Variants in RIN2 observed in about 807,000 individuals in gnomAD.
RIN2 encodes the protein RAB5 interacting protein 2.
In RIN2, 36 loss-of-function variants were observed where a neutral mutation model predicts 78.0. The observed-to-expected ratio is 0.46, with a 90% CI of 0.35 to 0.61. The LOEUF is 0.61. Ranked by LOEUF, RIN2 falls within the 20% of genes least tolerant of loss-of-function variation. RIN2 has a pLI of 0.00. For missense variants in RIN2, 1,087 were observed against 1,159.7 expected (o/e 0.94, Z 0.91); for synonymous variants, 466 against 466.8 (o/e 1.00, Z 0.02).
chr20:19,971,093 G>A (rs186491745), intron 8 of RIN2, among the ~76,000 whole-genome samples, 164 bp downstream of exon 8: 11 of 152,254 alleles, frequency 7.2e-5, no homozygotes, highest in South Asian at 2.1e-4. Flanking sequence ...CATCTGTAAC[G>A]TGTTGATGTC....
intron 2 of RIN2, among the ~76,000 whole-genome samples, chr20:19,850,015 C>G (rs1012840403): frequency 3.3e-5 from 5 of 152,130 alleles, no homozygotes; most frequent in Non-Finnish European, 2.9e-5. Context: ...AGTGACTGTT[C>G]TCATTAAAGT....
intron 2 of RIN2, among the ~76,000 whole-genome samples, chr20:19,831,729 G>GT (rs2036257564): frequency 6.6e-6 from 1 of 152,194 alleles, no homozygotes; most frequent in South Asian, 2.1e-4. Context: ...TGGATATACA[G>GT]TAAGTGTTCC....
chr20:19,780,326 T>C (rs1290476754), intron 1 of RIN2, among the ~76,000 whole-genome samples: 1 of 152,250 alleles, frequency 6.6e-6, no homozygotes, highest in African/African-American at 2.4e-5. Flanking sequence ...CCCGAATTGA[T>C]ATGTTTTGAA....
intron 2 of RIN2, among the ~76,000 whole-genome samples, chr20:19,833,030 A>T (rs1166126557): frequency 1.3e-5 from 2 of 152,096 alleles, no homozygotes; most frequent in Non-Finnish European, 2.9e-5. Flanking sequence ...CCTAAGCCGG[A>T]TTACCCTGCC....
rs572893815 is a variant in RIN2, at chr20:19,887,881, C to A, written c.-36-1685C>A. Among the ~76,000 whole-genome samples, 4 of 152,242 alleles carry A rather than the reference C, an allele frequency of 2.6e-5. No homozygotes were observed. The East Asian group carries it at 7.7e-4, about 29-fold the overall frequency. On this transcript the variant is annotated intron_variant, in intron 2 of 12. Coordinates refer to ENST00000255006, the MANE Select transcript of RIN2 (RefSeq NM_018993.4). ...TAGGCCTGGTTTAAAACAGGGTATG[C>A]TTTTTTATTTGTGTGCTTCTGGGTC...
intron 2 of RIN2, among the ~76,000 whole-genome samples, chr20:19,824,710 T>A (rs1171254684): frequency 6.6e-6 from 1 of 152,186 alleles, no homozygotes; most frequent in Non-Finnish European, 1.5e-5. Flanking sequence ...GAGTTCTGGC[T>A]GGCAGGGACA....
chr20:19,788,319 G>A (rs1464696589), intron 1 of RIN2, among the ~76,000 whole-genome samples: 1 of 151,766 alleles, frequency 6.6e-6, no homozygotes, highest in African/African-American at 2.4e-5. Context: ...AATTGGCCAG[G>A]TGCATTGCCT....
intron 3 of RIN2, among the ~76,000 whole-genome samples, chr20:19,894,932 G>A (rs2038651139): frequency 6.6e-6 from 1 of 152,068 alleles, no homozygotes; most frequent in African/African-American, 2.4e-5. Flanking sequence ...AAGATTTTCA[G>A]GCTGTGCTTC....
chr20:19,984,330 A>G (rs1396126392), intron 9 of RIN2, among the ~76,000 whole-genome samples: 1 of 152,210 alleles, frequency 6.6e-6, no homozygotes, highest in Non-Finnish European at 1.5e-5. Context: ...CCTAGGCTAT[A>G]TGGTATATCC....
chr20:19,926,767 C>T (rs910862001), intron 3 of RIN2, among the ~76,000 whole-genome samples: 6 of 152,202 alleles, frequency 3.9e-5, no homozygotes, highest in Admixed American at 1.3e-4. Context: ...AAGTCTTCAA[C>T]ATATCAGCAA....
chr20:19,889,110 G>A, intron 2 of RIN2: 1 of 985,324 alleles, frequency 1.0e-6, no homozygotes, highest in Non-Finnish European at 1.2e-6. Flanking sequence ...CTTGCCTGGG[G>A]GAGAGGCCAG....
chr20:19,993,495 T>G (rs976883450), intron 11 of RIN2, among the ~76,000 whole-genome samples: 2 of 152,076 alleles, frequency 1.3e-5, no homozygotes, highest in African/African-American at 2.4e-5. Flanking sequence ...TGGAGCCCGA[T>G]TATGCCCTTC....
intron 3 of RIN2, among the ~76,000 whole-genome samples, chr20:19,918,766 TAAA>T (rs201557004): frequency 1.5e-5 from 2 of 137,346 alleles, no homozygotes; most frequent in East Asian, 2.1e-4. Flanking sequence ...GGGCCTTAAT[TAAA>T]AAAAAAAAAA....
In RIN2 at chr20:19,963,003, G is replaced by A. The variant is rs185613583; in HGVS notation, c.464-1949G>A. Among the ~76,000 whole-genome samples, 724 of 152,226 alleles carry A rather than the reference G, an allele frequency of 4.8e-3. 3 individuals are homozygous for A. Among genetic ancestry groups the A allele is most frequent in the African/African-American group, 0.017 (692 of 41,532 alleles). ...TATTTTGTCATAACTTACAGACAGT[G>A]CAGCTTAATAATAAACAACACCTCA... On this transcript the variant is annotated intron_variant, in intron 6 of 12. Transcript: ENST00000255006.
At chr20:19,826,016 T>C (rs1471695385) in intron 2 of RIN2, among the ~76,000 whole-genome samples, 2 of 152,262 alleles carry the variant, frequency 1.3e-5, no homozygotes, top group Non-Finnish European at 2.9e-5. Flanking sequence ...TTTTCAATTC[T>C]TATGAATTCA....
intron 12 of RIN2, among the ~76,000 whole-genome samples, chr20:19,997,600 A>C (rs774402702): frequency 3.3e-5 from 5 of 152,118 alleles, no homozygotes; most frequent in Non-Finnish European, 7.4e-5. Context: ...CTCTACTAAA[A>C]ATACAAAAAT....
intron 11 of RIN2, among the ~76,000 whole-genome samples, chr20:19,995,943 C>A (rs1295139526): frequency 6.6e-6 from 1 of 152,204 alleles, no homozygotes; most frequent in Non-Finnish European, 1.5e-5. Flanking sequence ...GATCACCTCA[C>A]ACGCCTGACT....
intron 1 of RIN2, among the ~76,000 whole-genome samples, chr20:19,779,011 G>A (rs1176048971): frequency 1.3e-5 from 2 of 152,158 alleles, no homozygotes; most frequent in Non-Finnish European, 2.9e-5. Flanking sequence ...ATGTCCACAA[G>A]GAAATTATAA....
Position 19,964,979 on chromosome 20 carries a change from G to A in RIN2, c.491G>A (p.Ser164Asn). ...YTFSLEGSGI[S>N]FADLFRLIAF... is the part of the protein sequence containing the mutation. The stretch of plus-strand genomic sequence containing the variant: ...TTTTCCCTGGAAGGCTCAGGAATCA[G>A]TTTCGCAGATTTATTCCGGCTCATT... The change falls in exon 7 of 13, where the codon AGT becomes AAT. Residue 164 changes from serine (S) to asparagine (N), a missense_variant. Ser to Asn is a conservative substitution (Grantham distance 46, BLOSUM62 1). Transcript: ENST00000255006. 2 of 1,613,684 alleles carry A rather than the reference G, an allele frequency of 1.2e-6. No homozygotes were observed. Among genetic ancestry groups the A allele is most frequent in the Non-Finnish European group, 1.7e-6 (2 of 1,179,836 alleles).
Sources: gnomAD v4.1 joint callset for allele counts (sites outside exome capture counted in the v4.1 genomes callset) on GRCh38, gnomAD v4.1.1 for gene constraint, MANE v1.5 for transcripts, NCBI Gene and HGNC (gene_info 2026-07-23, HGNC 2026-07-21) for gene names.